STARD13: variants seen among roughly 807,000 people sequenced by gnomAD.
STARD13 encodes StAR related lipid transfer domain containing 13.
A neutral mutation model predicts 106.4 loss-of-function variants in STARD13; 62 were observed. The ratio of observed to expected loss-of-function variants is 0.58; its 90% confidence interval spans 0.48 to 0.72. The LOEUF (loss-of-function observed/expected upper bound fraction) is 0.72. Ranked by LOEUF, STARD13 falls within the 30% of genes least tolerant of loss-of-function variation. STARD13 has a pLI of 0.00. For synonymous variants in STARD13, 565 were observed against 553.0 expected, an observed-to-expected ratio of 1.02 and a Z score of -0.31; for missense variants, 1,387 against 1,424.0, an observed-to-expected ratio of 0.97 and a Z score of 0.42.
At chr13:33,521,091 T>C in the STARD13 span, among the ~76,000 whole-genome samples, 1 of 152,058 alleles carries the variant, frequency 6.6e-6, no homozygotes, top group Non-Finnish European at 1.5e-5. Flanking sequence ...TGGGAACGAC[T>C]CGAGCTGGGA....
chr13:33,394,582 C>T, the STARD13 span, among the ~76,000 whole-genome samples: 8 of 152,046 alleles, frequency 5.3e-5, no homozygotes, highest in Non-Finnish European at 7.4e-5. Context: ...AGAGGATTTA[C>T]GAGGATGTTT....
At chr13:33,387,673 C>T in the STARD13 span, among the ~76,000 whole-genome samples, 1 of 152,184 alleles carries the variant, frequency 6.6e-6, no homozygotes, top group Admixed American at 6.5e-5. Flanking sequence ...TGGCAGCAGG[C>T]TGGACAGGAG....
the STARD13 span, among the ~76,000 whole-genome samples, chr13:33,527,767 A>G: frequency 6.6e-6 from 1 of 151,890 alleles, no homozygotes; most frequent in Non-Finnish European, 1.5e-5. Context: ...AATATTTAAA[A>G]TTATAGCATG....
chr13:33,413,125 T>A, the STARD13 span, among the ~76,000 whole-genome samples: 1 of 152,014 alleles, frequency 6.6e-6, no homozygotes, highest in Non-Finnish European at 1.5e-5. Flanking sequence ...AACGGTAAAA[T>A]CTCCAAACAC....
the STARD13 span, among the ~76,000 whole-genome samples, chr13:33,619,371 T>C: frequency 6.7e-6 from 1 of 150,366 alleles, no homozygotes; most frequent in East Asian, 1.9e-4. Context: ...GCAGAAAAAA[T>C]ATGAATTTTT....
At chr13:33,624,113 G>C in the STARD13 span, among the ~76,000 whole-genome samples, 172 of 152,302 alleles carry the variant, frequency 1.1e-3, 1 homozygote, top group African/African-American at 4.0e-3. Flanking sequence ...TCCTAGAAAT[G>C]AGTATGTACG....
intron 1 of STARD13, among the ~76,000 whole-genome samples, chr13:33,270,273 G>A (rs1891094662): frequency 6.6e-6 from 1 of 152,022 alleles, no homozygotes; most frequent in Non-Finnish European, 1.5e-5. Context: ...AGCACAGAGT[G>A]GCACATTATT....
upstream of STARD13, among the ~76,000 whole-genome samples, chr13:33,286,619 C>G (rs889149617): frequency 2.0e-5 from 3 of 152,104 alleles, no homozygotes; most frequent in African/African-American, 4.8e-5. Flanking sequence ...TCAAAAAGGA[C>G]GCAAACACAA....
intron 1 of STARD13, among the ~76,000 whole-genome samples, chr13:33,328,378 G>A (rs61257276): frequency 0.011 from 1,627 of 152,330 alleles, 37 homozygotes; most frequent in African/African-American, 0.036. Flanking sequence ...AAATGGGTAT[G>A]TTAATAGTAC....
the STARD13 span, among the ~76,000 whole-genome samples, chr13:33,491,040 C>T: frequency 6.6e-6 from 1 of 152,222 alleles, no homozygotes; most frequent in Non-Finnish European, 1.5e-5. Flanking sequence ...TCAGGGAAGT[C>T]TCCCGTTTCA....
chr13:33,202,570 T>C (rs1887120511), intron 1 of STARD13, among the ~76,000 whole-genome samples: 1 of 152,092 alleles, frequency 6.6e-6, no homozygotes, highest in Admixed American at 6.5e-5. Flanking sequence ...GGAAGATGTG[T>C]AAATAAAGAA....
chr13:33,477,324 C>T, the STARD13 span, among the ~76,000 whole-genome samples: 1 of 152,146 alleles, frequency 6.6e-6, no homozygotes, highest in African/African-American at 2.4e-5. Context: ...GTTTACTTGG[C>T]TATAAGACTT....
chr13:33,510,318 A>G, the STARD13 span, among the ~76,000 whole-genome samples: 1 of 152,186 alleles, frequency 6.6e-6, no homozygotes, highest in African/African-American at 2.4e-5. Flanking sequence ...TGGTAGAGGT[A>G]TATTTGCAAG....
chr13:33,117,428 T>C (rs545601971), intron 8 of STARD13: 22 of 193,302 alleles, frequency 1.1e-4, no homozygotes, highest in Admixed American at 7.8e-4. Flanking sequence ...TTATTTCTAA[T>C]ACCCCCATTG....
chr13:33,188,324 T>A (rs987288581), intron 1 of STARD13: 2 of 152,210 alleles, frequency 1.3e-5, no homozygotes, highest in African/African-American at 4.8e-5. Context: ...ACCTCAACCT[T>A]CTTTAACCCC....
intron 1 of STARD13, among the ~76,000 whole-genome samples, chr13:33,262,132 T>C (rs1411515770): frequency 6.6e-6 from 1 of 152,202 alleles, no homozygotes; most frequent in Non-Finnish European, 1.5e-5. Context: ...ATTTGCCTGA[T>C]ATTTTAACTG....
chr13:33,625,061 T>A, the STARD13 span, among the ~76,000 whole-genome samples: 1 of 152,208 alleles, frequency 6.6e-6, no homozygotes, highest in Non-Finnish European at 1.5e-5. Context: ...GCAGTTCTTT[T>A]GCTTCCTGTC....
the STARD13 span, among the ~76,000 whole-genome samples, chr13:33,635,444 G>A: frequency 2.0e-5 from 3 of 152,104 alleles, no homozygotes; most frequent in South Asian, 6.2e-4. Context: ...TGGATCATGA[G>A]GTCAGGAGAT....
intron 1 of STARD13, among the ~76,000 whole-genome samples, chr13:33,175,594 C>T (rs535164333): frequency 3.3e-5 from 5 of 152,206 alleles, no homozygotes; most frequent in African/African-American, 9.6e-5. Context: ...CTCTCAGAGC[C>T]GAGCTCCAAC....
Sources: allele counts gnomAD v4.1 joint callset (sites outside exome capture counted in the v4.1 genomes callset), GRCh38; gene constraint gnomAD v4.1.1; transcripts MANE v1.5; gene names NCBI Gene and HGNC (gene_info 2026-07-23, HGNC 2026-07-21).